The following CREB3L3 variants were observed in gnomAD, a reference collection of about 807,000 sequenced individuals.
The protein encoded by CREB3L3 is cAMP responsive element binding protein 3 like 3, also known as cyclic AMP-responsive element-binding protein 3-like protein 3.
CREB3L3 carries 40 observed loss-of-function variants against 44.6 expected under a neutral mutation model. The observed-to-expected ratio is 0.90, with a 90% CI of 0.70 to 1.17. CREB3L3 has a LOEUF of 1.17. Ranked by LOEUF, CREB3L3 falls within the 50% of genes most tolerant of loss-of-function variation. CREB3L3 has a pLI of 0.00. For synonymous variants in CREB3L3, 273 were observed against 256.3 expected (o/e 1.06, Z -0.62); for missense variants, 578 against 595.8 (o/e 0.97, Z 0.31).
At chr19:4,155,879 C>G (rs1258452272) in intron 2 of CREB3L3, among the ~76,000 whole-genome samples, 1 of 151,752 alleles carries the variant, frequency 6.6e-6, no homozygotes, top group Non-Finnish European at 1.5e-5. Flanking sequence ...TCCCGAGTAG[C>G]TGGGATTACA....
intron 2 of CREB3L3, 102 bp from the exon 3 acceptor site, chr19:4,156,893 A>G: frequency 8.2e-7 from 1 of 1,215,130 alleles, no homozygotes; most frequent in Non-Finnish European, 1.2e-6. Flanking sequence ...AGGGAAGGAC[A>G]CCTAAGGCCC....
intron 3 of CREB3L3, among the ~76,000 whole-genome samples, chr19:4,157,548 C>T (rs993368998): frequency 6.6e-6 from 1 of 152,216 alleles, no homozygotes; most frequent in South Asian, 2.1e-4. Flanking sequence ...TGAGCTAAAA[C>T]CACAGAGCTA....
intron 4 of CREB3L3, among the ~76,000 whole-genome samples, chr19:4,163,776 GTGC>G (rs2041691395): frequency 6.6e-6 from 1 of 151,158 alleles, no homozygotes; most frequent in South Asian, 2.1e-4. Flanking sequence ...GCCTCCCAAA[GTGC>G]TGGGACTACA....
chr19:4,156,315 G>C (rs988033620), intron 2 of CREB3L3, among the ~76,000 whole-genome samples: 3 of 151,718 alleles, frequency 2.0e-5, no homozygotes, highest in African/African-American at 7.3e-5. Flanking sequence ...AGCTTCCCGA[G>C]TAGCTGAGAT....
At chr19:4,164,043 G>A (rs1025216529) in intron 4 of CREB3L3, among the ~76,000 whole-genome samples, 3 of 143,532 alleles carry the variant, frequency 2.1e-5, no homozygotes, top group Non-Finnish European at 3.0e-5. Context: ...GCACAATCTC[G>A]GCTCACTGCA....
At chr19:4,170,046 C>T in intron 6 of CREB3L3, 94 bp from the exon 7 acceptor site, 1 of 1,252,924 alleles carries the variant, frequency 8.0e-7, no homozygotes, top group Non-Finnish European at 1.2e-6. Flanking sequence ...CTTGGGTTCT[C>T]TTGGCTTGTA....
At chr19:4,163,328 AAAAG>A (rs141964111) in intron 4 of CREB3L3, among the ~76,000 whole-genome samples, 22,559 of 135,692 alleles carry the variant, frequency 0.17, 1,988 homozygotes, top group Non-Finnish European at 0.18. Context: ...AAGAAGAAAG[AAAAG>A]AAAGAAAGAA....
At chr19:4,154,762 G>A (rs2041550072) in intron 1 of CREB3L3, 137 bp from the exon 2 acceptor site, 1 of 1,261,612 alleles carries the variant, frequency 7.9e-7, no homozygotes, top group African/African-American at 1.5e-5. Context: ...GAGTCTCAGC[G>A]AGGGGCAGCA....
At chr19:4,167,420 A>AAAAG (rs1343047423) in intron 5 of CREB3L3, among the ~76,000 whole-genome samples, 5 of 137,702 alleles carry the variant, frequency 3.6e-5, no homozygotes, top group South Asian at 4.7e-4. Context: ...GAAAAGAAAG[A>AAAAG]AAAGAAAGAA....
intron 4 of CREB3L3, among the ~76,000 whole-genome samples, chr19:4,160,649 G>A (rs542486125): frequency 3.9e-5 from 6 of 152,060 alleles, no homozygotes; most frequent in South Asian, 4.2e-4. Context: ...TCTGCCTCCC[G>A]GGTTCAAGTG....
Position 4,172,283 on chromosome 19 carries a change from GGACA to G in CREB3L3, c.*323_*326del, listed in dbSNP as rs1327493794. 1 of 471,052 alleles carries G rather than the reference GGACA, an allele frequency of 2.1e-6. No homozygotes were observed. The highest frequency in any genetic ancestry group is 3.8e-6 in the Non-Finnish European group (1 of 263,864). 29.2% of individuals were successfully genotyped at this position (471,052 alleles called of 1,614,324 possible). A position where few individuals can be genotyped will look rare whatever the true frequency, so the allele number is the denominator to read the frequency against. On this transcript the variant is annotated 3_prime_UTR_variant, in exon 10 of 10. Transcript: ENST00000078445. The stretch of plus-strand genomic sequence containing the variant: ...GACAGACACAGCCTGAAACAGACCC[GGACA>G]GACAGACACAGCCTGAAACAGACCC...
chr19:4,168,474 C>T lies in CREB3L3; in HGVS notation c.821+17C>T, dbSNP rs1966973654. 3.8e-6 allele frequency: 6 copies of T among 1,566,700 alleles called. No individual in the cohort carries two copies. The African/African-American group carries it at 4.1e-5, about 11-fold the overall frequency. ...GGAGACTCGGTGGGTAGTGCTGGACCCAGACTCTACACTCGTGGAGGAAAC... is the reference window on the plus strand; with the variant it reads ...GGAGACTCGGTGGGTAGTGCTGGACTCAGACTCTACACTCGTGGAGGAAAC... On this transcript the variant is annotated intron_variant, in intron 6 of 9. Transcript: ENST00000078445.
intron 4 of CREB3L3, among the ~76,000 whole-genome samples, chr19:4,160,211 G>A (rs531988837): frequency 2.6e-5 from 4 of 151,354 alleles, no homozygotes; most frequent in East Asian, 4.0e-4. Context: ...TGGAAGGATC[G>A]CTTGAGCCCA....
rs767172590 is a variant in CREB3L3, at chr19:4,171,059, G to T, written c.891-32G>T. ...CGAGAAGCAGAACCGAGGCCCTTTA[G>T]GGCTCAGCGGAGGCCTGCCTGTCTC... On this transcript the variant is annotated intron_variant, in intron 7 of 9. Coordinates refer to ENST00000078445, the MANE Select transcript of CREB3L3 (RefSeq NM_032607.3). This position sits in a 1 kb window ranked among gnomAD's most constrained non-coding sequence, Gnocchi z 4.9. The T allele has an allele frequency of 6.3e-6, 10 of 1,575,750 alleles. No homozygotes were observed. The East Asian group carries it at 2.2e-4, about 35-fold the overall frequency.
At chr19:4,170,820 AGAATGGTGT>A (rs1229612374) in intron 7 of CREB3L3, among the ~76,000 whole-genome samples, 2 of 152,030 alleles carry the variant, frequency 1.3e-5, no homozygotes, top group Admixed American at 6.6e-5. Context: ...CTGAGGCAGG[AGAATGGTGT>A]GAACCTGGGA....
At chr19:4,169,174 G>A (rs901966170) in intron 6 of CREB3L3, among the ~76,000 whole-genome samples, 2 of 152,078 alleles carry the variant, frequency 1.3e-5, no homozygotes, top group African/African-American at 2.4e-5. Context: ...AGTGGCCCAA[G>A]GTCATGGGGA....
intron 5 of CREB3L3, among the ~76,000 whole-genome samples, chr19:4,164,882 T>A (rs1366341033): frequency 1.3e-5 from 2 of 151,960 alleles, no homozygotes; most frequent in Non-Finnish European, 2.9e-5. Context: ...CTAATTTTTG[T>A]ATCTTTAGTA....
intron 4 of CREB3L3, among the ~76,000 whole-genome samples, chr19:4,163,351 A>AGAAAGAAAGAAAGAAAGAAAGAAG (rs535753131): frequency 0.046 from 5,334 of 116,926 alleles, 317 homozygotes; most frequent in East Asian, 0.23. Flanking sequence ...AAAGAAAGAA[A>AGAAAGAAAGAAAGAAAGAAAGAAG]GAAGGAAGGA....
Position 4,168,367 on chromosome 19 carries a change from T to TG in CREB3L3, c.732dup (p.Lys245GlufsTer130), listed in dbSNP as rs780374391. On this transcript the variant is annotated frameshift_variant, in exon 6 of 10. Coordinates refer to ENST00000078445, the MANE Select transcript of CREB3L3 (RefSeq NM_032607.3). LOFTEE classifies it high-confidence loss of function. ...ACTTGGCAGTACGAGGAGCGAGTGC[T>TG]GAAAAAAATCCGCCGGAAAATCCGG... The TG allele has an allele frequency of 2.8e-4, 448 of 1,610,200 alleles. No homozygotes were observed. Among genetic ancestry groups the TG allele is most frequent in the Admixed American group, 1.0e-3 (62 of 59,814 alleles).
Sources: allele counts gnomAD v4.1 joint callset (sites outside exome capture counted in the v4.1 genomes callset), GRCh38; gene constraint gnomAD v4.1.1; non-coding constraint Gnocchi (gnomAD v3.1); transcripts MANE v1.5; gene names NCBI Gene and HGNC (gene_info 2026-07-23, HGNC 2026-07-21).